The following SLIT2 variants were observed in gnomAD, a reference collection of about 807,000 sequenced individuals.
SLIT2 encodes the protein slit guidance ligand 2.
In SLIT2, 41 loss-of-function variants were observed where a neutral mutation model predicts 185.7. The observed-to-expected ratio is 0.22, with a 90% CI of 0.17 to 0.29. The LOEUF (loss-of-function observed/expected upper bound fraction) is 0.29, where lower values mean the gene tolerates loss of function less well. SLIT2 is among the 10% of genes least tolerant of loss of function. The probability of loss-of-function intolerance (pLI) is 1.00; values close to 1 mark genes in which losing one functional copy is unlikely to be tolerated. For missense variants in SLIT2, 1,571 were observed against 1,909.0 expected (o/e 0.82, Z 3.30); for synonymous variants, 693 against 680.2 (o/e 1.02, Z -0.29).
chr4:20,442,593 A>G (rs1447261440), intron 4 of SLIT2, among the ~76,000 whole-genome samples: 3 of 151,546 alleles, frequency 2.0e-5, no homozygotes, highest in South Asian at 2.1e-4. Context: ...GGAGGAAGCT[A>G]TGATGTGAAA....
chr4:20,533,946 C>CACAT (rs1281577413), intron 18 of SLIT2, among the ~76,000 whole-genome samples: 1 of 151,824 alleles, frequency 6.6e-6, no homozygotes, highest in Non-Finnish European at 1.5e-5. Context: ...CACACACACA[C>CACAT]ACACACACAC....
chr4:20,539,555 A>G lies in SLIT2; in HGVS notation c.1947A>G (p.Ala649=), dbSNP rs749767870. Residue 649 remains alanine (A), a synonymous_variant, in exon 19 of 37, where the codon GCA becomes GCG. Transcript: ENST00000504154. The stretch of plus-strand genomic sequence containing the variant: ...AAATTACTACAGTTGCACCAGGGGC[A>G]TTTGATACTCTCCATTCTTTATCTA... The part of the protein sequence containing the change: ...DNQITTVAPG[A]FDTLHSLSTL... The G allele has an allele frequency of 3.1e-6, 5 of 1,612,434 alleles. No individual in the cohort carries two copies. The East Asian group carries it at 8.9e-5, about 29-fold the overall frequency.
At chr4:20,290,404 A>ATG (rs1715682559) in intron 4 of SLIT2, among the ~76,000 whole-genome samples, 1 of 152,226 alleles carries the variant, frequency 6.6e-6, no homozygotes, top group Admixed American at 6.5e-5. Flanking sequence ...TAGCATTTAC[A>ATG]TTACATTAGT....
chr4:20,540,274 C>T (rs1037627632), intron 19 of SLIT2, among the ~76,000 whole-genome samples: 3 of 147,874 alleles, frequency 2.0e-5, no homozygotes, highest in East Asian at 3.9e-4. Context: ...TATGACAGAG[C>T]GAGACTCCAT....
chr4:20,441,524 T>A, intron 4 of SLIT2, among the ~76,000 whole-genome samples: 1 of 67,844 alleles, frequency 1.5e-5, no homozygotes, highest in African/African-American at 5.9e-5. Context: ...CTTCTGTCTC[T>A]CTCTCTCTCT....
In SLIT2 at chr4:20,392,575, A is replaced by G. The variant is rs1285896309; in HGVS notation, c.396-75177A>G. On this transcript the variant is annotated intron_variant, in intron 4 of 36. Transcript: ENST00000504154. Reference sequence around the variant, plus strand: ...TAACTTTTACTTTACAAACTTTTTAATCATTTATAATTTTTGACTCAAGAT... The same window carrying G: ...TAACTTTTACTTTACAAACTTTTTAGTCATTTATAATTTTTGACTCAAGAT... Among the ~76,000 whole-genome samples, 12 of 152,144 alleles carry G rather than the reference A, an allele frequency of 7.9e-5. 1 individual carries two copies. Among genetic ancestry groups the G allele is most frequent in the Non-Finnish European group, 1.8e-4 (12 of 68,016 alleles).
intron 9 of SLIT2, among the ~76,000 whole-genome samples, chr4:20,502,168 T>C (rs1250519219): frequency 1.3e-5 from 2 of 152,164 alleles, no homozygotes; most frequent in African/African-American, 2.4e-5. Flanking sequence ...AATCAAACTT[T>C]TGTAATATTA....
At chr4:20,524,328 A>C in intron 14 of SLIT2, 151 bp downstream of exon 14, 1 of 678,990 alleles carries the variant, frequency 1.5e-6, no homozygotes, top group Non-Finnish European at 2.5e-6. Flanking sequence ...AGAGGACTGT[A>C]GACCCAATTC....
chr4:20,595,533 A>G (rs921084029), intron 30 of SLIT2, among the ~76,000 whole-genome samples, 164 bp from the exon 31 acceptor site: 11 of 152,188 alleles, frequency 7.2e-5, no homozygotes, highest in Non-Finnish European at 1.6e-4. Flanking sequence ...CATGGAACAT[A>G]CTGCAGAACA....
At chr4:20,363,023 A>C (rs764562531) in intron 4 of SLIT2, among the ~76,000 whole-genome samples, 1 of 152,104 alleles carries the variant, frequency 6.6e-6, no homozygotes, top group Admixed American at 6.6e-5. Context: ...CAATAAGAGC[A>C]CTCGTGGCTT....
rs377625988 is a variant in SLIT2, at chr4:20,611,862, G to A, written c.3847+1695G>A. ...TTGTCCAAGTACACAAAGCTATTAT[G>A]TAGTAGACACCTCATTTAAGTCCAG... is the stretch of plus-strand genomic sequence containing the variant. On this transcript the variant is annotated intron_variant, in intron 34 of 36. Transcript: ENST00000504154. Among the ~76,000 whole-genome samples the A allele has an allele frequency of 7.2e-4, 109 of 152,266 alleles. 1 individual carries two copies. The South Asian group carries it at 0.022, about 30-fold the overall frequency.
At chr4:20,266,400 T>C (rs960862479) in intron 3 of SLIT2, among the ~76,000 whole-genome samples, 51 of 151,894 alleles carry the variant, frequency 3.4e-4, no homozygotes, top group Admixed American at 7.2e-4. Context: ...GAGGAAACTA[T>C]TGTCTGGGGC....
chr4:20,504,766 C>T (rs1023308446), intron 9 of SLIT2, among the ~76,000 whole-genome samples: 5 of 151,744 alleles, frequency 3.3e-5, no homozygotes, highest in Admixed American at 3.3e-4. Flanking sequence ...TGCAATAGTC[C>T]CCCCTCTTCC....
chr4:20,525,627 A>C (rs1721220219), intron 15 of SLIT2, among the ~76,000 whole-genome samples: 1 of 152,140 alleles, frequency 6.6e-6, no homozygotes, highest in South Asian at 2.1e-4. Context: ...CATGAAAATT[A>C]CTTTTTTATA....
intron 5 of SLIT2, among the ~76,000 whole-genome samples, chr4:20,480,288 A>T (rs1716559135): frequency 6.6e-6 from 1 of 152,192 alleles, no homozygotes; most frequent in Non-Finnish European, 1.5e-5. Flanking sequence ...AGTGAAATTA[A>T]CATGCAGCTG....
intron 4 of SLIT2, among the ~76,000 whole-genome samples, chr4:20,295,732 A>C (rs1716394016): frequency 1.3e-5 from 2 of 152,338 alleles, no homozygotes; most frequent in South Asian, 2.1e-4. Context: ...TTTGCTGTGC[A>C]CAATGATTTA....
At chr4:20,326,519 A>AT (rs956453763) in intron 4 of SLIT2, among the ~76,000 whole-genome samples, 1 of 151,422 alleles carries the variant, frequency 6.6e-6, no homozygotes, top group African/African-American at 2.4e-5. Context: ...TTGTGCTTTT[A>AT]TTTTTTCTGG....
intron 7 of SLIT2, among the ~76,000 whole-genome samples, chr4:20,487,567 G>A (rs944550138): frequency 6.6e-6 from 1 of 152,036 alleles, no homozygotes; most frequent in African/African-American, 2.4e-5. Flanking sequence ...TTTATAATGT[G>A]CTTGGTTTAG....
intron 4 of SLIT2, among the ~76,000 whole-genome samples, chr4:20,393,835 A>G (rs534913990): frequency 2.0e-5 from 3 of 152,180 alleles, no homozygotes; most frequent in Admixed American, 2.0e-4. Flanking sequence ...GTCAAGCTGA[A>G]CTGCGTGGGT....
Sources: allele counts gnomAD v4.1 joint callset (sites outside exome capture counted in the v4.1 genomes callset), GRCh38; gene constraint gnomAD v4.1.1; transcripts MANE v1.5; gene names NCBI Gene and HGNC (gene_info 2026-07-23, HGNC 2026-07-21).